Variants in PTPRU observed in about 807,000 individuals in gnomAD.
PTPRU encodes protein tyrosine phosphatase receptor type U.
In PTPRU, 69 loss-of-function variants were observed where a neutral mutation model predicts 166.3. The observed-to-expected ratio is 0.41, with a 90% CI of 0.34 to 0.51. PTPRU has a LOEUF of 0.51. Among genes scored for constraint, PTPRU ranks in the 20% least tolerant of loss-of-function variants. The pLI is 0.09. For missense variants in PTPRU, 1,657 were observed against 2,013.7 expected (o/e 0.82, Z 3.39); for synonymous variants, 793 against 814.0 (o/e 0.97, Z 0.44).
At chr1:29,269,532 C>T (rs1685470716) in intron 7 of PTPRU, among the ~76,000 whole-genome samples, 1 of 151,872 alleles carries the variant, frequency 6.6e-6, no homozygotes, top group Non-Finnish European at 1.5e-5. Context: ...GCCTGGCAGA[C>T]AGGGTGCAAA....
intron 15 of PTPRU, among the ~76,000 whole-genome samples, chr1:29,301,947 T>G (rs1029821960): frequency 6.6e-6 from 1 of 152,190 alleles, no homozygotes; most frequent in African/African-American, 2.4e-5. Context: ...TATTCCATAG[T>G]GTGTATGTGC....
chr1:29,313,305 C>T (rs10737387), intron 22 of PTPRU, among the ~76,000 whole-genome samples: 41,213 of 151,982 alleles, frequency 0.27, 6,121 homozygotes, highest in East Asian at 0.48. Context: ...TGTCCATGGC[C>T]TCTGTGTCTC....
chr1:29,292,612 T>G (rs969448700), intron 15 of PTPRU, among the ~76,000 whole-genome samples: 1 of 152,044 alleles, frequency 6.6e-6, no homozygotes, highest in Non-Finnish European at 1.5e-5. Flanking sequence ...TGTCATAACT[T>G]GCTTCATCCC....
intron 24 of PTPRU, among the ~76,000 whole-genome samples, chr1:29,316,848 C>G (rs1292678594): frequency 1.3e-5 from 2 of 152,124 alleles, no homozygotes; most frequent in Admixed American, 6.5e-5. Context: ...GCCCCTGGCT[C>G]TGGTCACATG....
chr1:29,246,620 ATT>A (rs146255309), intron 1 of PTPRU, among the ~76,000 whole-genome samples: 1 of 143,498 alleles, frequency 7.0e-6, no homozygotes, highest in Non-Finnish European at 1.5e-5. Context: ...CACAGCATCT[ATT>A]TTTTTTTTTT....
intron 7 of PTPRU, among the ~76,000 whole-genome samples, chr1:29,261,779 C>T (rs893041870): frequency 1.3e-5 from 2 of 151,768 alleles, no homozygotes; most frequent in African/African-American, 4.8e-5. Context: ...GTGATCCACC[C>T]GCCTCGGCCT....
chr1:29,252,281 T>TC (rs1386683196), intron 1 of PTPRU, among the ~76,000 whole-genome samples: 7 of 150,214 alleles, frequency 4.7e-5, no homozygotes, highest in Admixed American at 2.0e-4. Context: ...CTTTTTTTTT[T>TC]TTTTGAGACA....
intron 1 of PTPRU, among the ~76,000 whole-genome samples, chr1:29,240,913 C>T (rs561640965): frequency 7.9e-5 from 12 of 152,178 alleles, no homozygotes; most frequent in African/African-American, 1.2e-4. Context: ...CTGTTCTCAC[C>T]GCTTGTGCAC....
At chr1:29,312,788 T>C in intron 22 of PTPRU, 82 bp downstream of exon 22, 1 of 1,477,676 alleles carries the variant, frequency 6.8e-7, no homozygotes, top group South Asian at 1.3e-5. Context: ...GTTCAGGATC[T>C]GTAGTGGGGA....
rs1685326362 is a variant in PTPRU at position 29,266,811 on chromosome 1, G to A, written c.1144+5908G>A. Among the ~76,000 whole-genome samples, 3 of 152,134 alleles carry A rather than the reference G, an allele frequency of 2.0e-5. No homozygotes were observed. In the South Asian group the frequency reaches 6.2e-4, roughly 32 times the overall value. ...CCTGGAACTCACATTTTGGCAAGAG[G>A]AGATAGATAATAGATGAGTAAACAA... On this transcript the variant is annotated intron_variant, in intron 7 of 29. Coordinates refer to ENST00000373779, the MANE Select transcript of PTPRU (RefSeq NM_133178.4).
intron 29 of PTPRU, 34 bp from the exon 30 acceptor site, chr1:29,325,565 G>C (rs368633758): frequency 1.7e-5 from 27 of 1,586,764 alleles, no homozygotes; most frequent in Non-Finnish European, 2.0e-5. Context: ...TTGGGGTCAG[G>C]CTCATGATTC....
Position 29,291,976 on chromosome 1 carries a change from A to G in PTPRU, c.2426A>G (p.Asp809Gly), listed in dbSNP as rs534134393. 1.2e-6 allele frequency: 2 copies of G among 1,614,132 alleles called. No individual in the cohort carries two copies. Among genetic ancestry groups the G allele is most frequent in the South Asian group, 2.2e-5 (2 of 91,068 alleles). Residue 809 changes from aspartate to glycine, a missense_variant, in exon 15 of 30, where the codon GAC becomes GGC. By Grantham distance (94) the Asp-to-Gly change is moderately conservative. Transcript: ENST00000373779. This position sits in a 1 kb window ranked among gnomAD's most constrained non-coding sequence, Gnocchi z 4.1. ...ACAGACCAGAGCACCCTGCAGGAGG[A>G]CGAGCGGCTGGGCCTGTCCTTCATG... Reference protein sequence around the residue: ...SFTDQSTLQEDERLGLSFMDT... With the variant: ...SFTDQSTLQEGERLGLSFMDT...
chr1:29,271,453 G>A lies in PTPRU; in HGVS notation c.1145-3995G>A, dbSNP rs539129799. ...GGACCTTCTTTTCAAAGAGCTCTCA[G>A]TCTACCTGGGTGGATGGGAGGTGGC... On this transcript the variant is annotated intron_variant, in intron 7 of 29. Transcript: ENST00000373779. This position sits in a 1 kb window ranked among gnomAD's most constrained non-coding sequence, Gnocchi z 4.4. Among the ~76,000 whole-genome samples, 2 of 152,346 alleles carry A rather than the reference G, an allele frequency of 1.3e-5. No homozygotes were observed. Among genetic ancestry groups the A allele is most frequent in the Non-Finnish European group, 2.9e-5 (2 of 68,034 alleles).
chr1:29,260,186 T>G lies in PTPRU; in HGVS notation c.850+142T>G. 1 of 1,005,400 alleles carries G rather than the reference T, an allele frequency of 9.9e-7. No individual in the cohort carries two copies. Among genetic ancestry groups the G allele is most frequent in the Middle Eastern group, 3.4e-4 (1 of 2,948 alleles). 62.3% of individuals were successfully genotyped at this position (1,005,400 alleles called of 1,614,324 possible). On this transcript the variant is annotated intron_variant, in intron 6 of 29. Transcript: ENST00000373779. This position sits in a 1 kb window ranked among gnomAD's most constrained non-coding sequence, Gnocchi z 8.3. ...CTGGGGCGCTATCTGAAGATGGGCC[T>G]GTGGAAATGGCAGTGGCCCAGCCGG...
In PTPRU at chr1:29,323,113, A is replaced by G. The variant is rs11579584; in HGVS notation, c.3829-258A>G. 1.7e-3 allele frequency: 759 copies of G among 458,072 alleles called. 1 individual carries two copies. The highest frequency in any genetic ancestry group is 2.6e-3 in the Admixed American group (76 of 29,554). 28.4% of individuals were successfully genotyped at this position (458,072 alleles called of 1,614,324 possible). On this transcript the variant is annotated intron_variant, in intron 26 of 29. Coordinates refer to ENST00000373779, the MANE Select transcript of PTPRU (RefSeq NM_133178.4). ...GCTTTCTAGCTGCACAGCAGTAGGC[A>G]TCAGTGCAGTTTGCAAAGGGTTCAT... is the stretch of plus-strand genomic sequence containing the variant.
Position 29,317,608 on chromosome 1 carries a change from C to T in PTPRU, c.3514-140C>T, listed in dbSNP as rs772894108. ...AGAGACAGGGAGTCTGGCTCCGTGCCCTGTACCCTTCTCTCTGGACCTCAG... is the reference window on the plus strand; with the variant it reads ...AGAGACAGGGAGTCTGGCTCCGTGCTCTGTACCCTTCTCTCTGGACCTCAG... On this transcript the variant is annotated intron_variant, in intron 24 of 29. Coordinates refer to ENST00000373779, the MANE Select transcript of PTPRU (RefSeq NM_133178.4). This position sits in a 1 kb window ranked among gnomAD's most constrained non-coding sequence, Gnocchi z 5.6. 2 of 998,830 alleles carry T rather than the reference C, an allele frequency of 2.0e-6. No individual in the cohort carries two copies. Among genetic ancestry groups the T allele is most frequent in the Non-Finnish European group, 2.9e-6 (2 of 690,548 alleles). The allele number at this position is 998,830 out of a possible 1,614,324, so 61.9% of individuals were successfully genotyped here.
chr1:29,320,670 C>A lies in PTPRU; in HGVS notation c.3688-15C>A, dbSNP rs748657202. ...GCCGGGAACAGGGCCCTGCTGAGTT[C>A]CGGTTTCCCTGCAGAGCTACACACG... On this transcript the variant is annotated splice_polypyrimidine_tract_variant and intron_variant, in intron 25 of 29. Transcript: ENST00000373779. This position sits in a 1 kb window ranked among gnomAD's most constrained non-coding sequence, Gnocchi z 5.2. The A allele has an allele frequency of 1.3e-6, 2 of 1,560,906 alleles. No homozygotes were observed. Among genetic ancestry groups the A allele is most frequent in the Non-Finnish European group, 1.7e-6 (2 of 1,144,716 alleles).
chr1:29,257,696 A>T lies in PTPRU; in HGVS notation c.206-809A>T, dbSNP rs1301347991. Among the ~76,000 whole-genome samples the T allele has an allele frequency of 6.6e-6, 1 of 152,150 alleles. No individual in the cohort carries two copies. The highest frequency in any genetic ancestry group is 1.5e-5 in the Non-Finnish European group (1 of 68,014). ...CTTTCATTCAATCTCTGTTCTACAT[A>T]TTCATTCAGCTTGCGTCCTGAGGCC... On this transcript the variant is annotated intron_variant, in intron 2 of 29. Coordinates refer to ENST00000373779, the MANE Select transcript of PTPRU (RefSeq NM_133178.4). This position sits in a 1 kb window ranked among gnomAD's most constrained non-coding sequence, Gnocchi z 4.6.
In PTPRU at chr1:29,305,375, C is replaced by T. The variant is rs751911543; in HGVS notation, c.2767C>T (p.His923Tyr). The change falls in exon 18 of 30, where the codon CAC (histidine) becomes TAC (tyrosine). Residue 923 changes from histidine (H) to tyrosine (Y), a missense_variant. By Grantham distance (83) the His-to-Tyr change is moderately conservative. Coordinates refer to ENST00000373779, the MANE Select transcript of PTPRU (RefSeq NM_133178.4). ...PAYDRHRVKL[H>Y]PMLGDPNADY... ...AGATGATCGGCACCGAGTGAAACTG[C>T]ACCCGATGCTGGGAGACCCCAATGC... 1.8e-5 allele frequency: 29 copies of T among 1,614,002 alleles called. No individual in the cohort carries two copies. The highest frequency in any genetic ancestry group is 2.3e-5 in the Non-Finnish European group (27 of 1,180,042).
Sources: gnomAD v4.1 joint callset for allele counts (sites outside exome capture counted in the v4.1 genomes callset) on GRCh38, gnomAD v4.1.1 for gene constraint, Gnocchi (gnomAD v3.1) non-coding constraint, MANE v1.5 for transcripts, NCBI Gene and HGNC (gene_info 2026-07-23, HGNC 2026-07-21) for gene names.